Variants in ZNF462 observed in about 807,000 individuals in gnomAD.
ZNF462 encodes zinc finger PBX1-interacting protein.
A neutral mutation model predicts 201.9 loss-of-function variants in ZNF462; 10 were observed. The ratio of observed to expected loss-of-function variants is 0.05; its 90% CI spans 0.03 to 0.08. The LOEUF (loss-of-function observed/expected upper bound fraction) is 0.08. Among genes scored for constraint, ZNF462 ranks in the 10% least tolerant of loss-of-function variants. The pLI is 1.00. For synonymous variants in ZNF462, 1,227 were observed against 1,193.3 expected (o/e 1.03, Z -0.58); for missense variants, 2,523 against 3,168.3 (o/e 0.80, Z 4.89).
chr9:106,891,023 A>T (rs1158107127), intron 1 of ZNF462, among the ~76,000 whole-genome samples: 1 of 152,224 alleles, frequency 6.6e-6, no homozygotes, highest in Admixed American at 6.5e-5. Context: ...GGAGATTTTT[A>T]GCTAATTTAG....
intron 1 of ZNF462, among the ~76,000 whole-genome samples, chr9:106,882,762 C>T (rs1251946518): frequency 1.3e-5 from 2 of 152,072 alleles, no homozygotes; most frequent in Non-Finnish European, 1.5e-5. Flanking sequence ...AACTCATTTG[C>T]GGTTTTATGT....
intron 10 of ZNF462, chr9:106,995,559 T>C (rs568980274): frequency 6.6e-6 from 1 of 152,314 alleles, no homozygotes; most frequent in Non-Finnish European, 1.5e-5. Context: ...AGCTGTGTCA[T>C]GTGGAGATCT....
At chr9:106,994,988 A>G (rs1319147193) in intron 10 of ZNF462, among the ~76,000 whole-genome samples, 2 of 152,184 alleles carry the variant, frequency 1.3e-5, no homozygotes, top group African/African-American at 2.4e-5. Flanking sequence ...AATAAATGAA[A>G]TCAACTTTTC....
Position 106,871,162 on chromosome 9 carries a change from C to G in ZNF462, c.-31+7807C>G, listed in dbSNP as rs79208028. Among the ~76,000 whole-genome samples the G allele has an allele frequency of 2.8e-3, 430 of 152,288 alleles. 1 individual carries two copies. Among genetic ancestry groups the G allele is most frequent in the African/African-American group, 0.01 (420 of 41,552 alleles). ...GCTGCACAAAGGTTCCAATACTTAC[C>G]TGCAGATTAAGAAATGAGTTTCTAA... On this transcript the variant is annotated intron_variant, in intron 1 of 12. Coordinates refer to ENST00000277225, the MANE Select transcript of ZNF462 (RefSeq NM_021224.6).
At chr9:106,995,884 T>G (rs1370368282) in intron 10 of ZNF462, among the ~76,000 whole-genome samples, 1 of 152,186 alleles carries the variant, frequency 6.6e-6, no homozygotes, top group East Asian at 1.9e-4. Flanking sequence ...GTCACATAGG[T>G]ATGCATGTGC....
chr9:106,909,695 T>A (rs1588038368), intron 1 of ZNF462, among the ~76,000 whole-genome samples: 1 of 152,210 alleles, frequency 6.6e-6, no homozygotes, highest in Admixed American at 6.5e-5. Flanking sequence ...TTTTCTGTCA[T>A]CAAATGTTAC....
At chr9:106,893,190 C>G (rs180828558) in intron 1 of ZNF462, among the ~76,000 whole-genome samples, 2 of 152,264 alleles carry the variant, frequency 1.3e-5, no homozygotes, top group Non-Finnish European at 2.9e-5. Flanking sequence ...TCTCTGAGAC[C>G]CACAGAGGTC....
Position 106,970,402 on chromosome 9 carries a change from A to C in ZNF462, c.6428-1603A>C, listed in dbSNP as rs1224994402. Among the ~76,000 whole-genome samples the C allele has an allele frequency of 1.3e-5, 2 of 152,194 alleles. No individual in the cohort carries two copies. Among genetic ancestry groups the C allele is most frequent in the African/African-American group, 2.4e-5 (1 of 41,448 alleles). The stretch of plus-strand genomic sequence containing the variant: ...TTTTGCAGACAGGCGGTGGCCCAGC[A>C]ATCAGGGAGGCTGCTCTGCTTTTGT... On this transcript the variant is annotated intron_variant, in intron 7 of 12. Coordinates refer to ENST00000277225, the MANE Select transcript of ZNF462 (RefSeq NM_021224.6). This position sits in a 1 kb window ranked among gnomAD's most constrained non-coding sequence, Gnocchi z 4.2.
At position 106,974,344 on chromosome 9, in the gene ZNF462, T is replaced by A. The variant is rs764035737; in HGVS notation, c.6832+71T>A. 1.2e-6 allele frequency: 2 copies of A among 1,604,108 alleles called. No individual in the cohort carries two copies. The highest frequency in any genetic ancestry group is 3.3e-5 in the Admixed American group (2 of 59,994). On this transcript the variant is annotated intron_variant, in intron 9 of 12. Transcript: ENST00000277225. This position sits in a 1 kb window ranked among gnomAD's most constrained non-coding sequence, Gnocchi z 4.0. ...AGCAGAGATGGCCTTCTAGGGATGCTCTCTCAGAGTGGCAGTAGCACCTGT... is the reference window on the plus strand; with the variant it reads ...AGCAGAGATGGCCTTCTAGGGATGCACTCTCAGAGTGGCAGTAGCACCTGT...
chr9:106,927,669 T>C lies in ZNF462; in HGVS notation c.3757T>C (p.Ser1253Pro). ...TGCCAGCTGCGTGCTTGTCTCCCCC[T>C]CTAATCTGGAGCGGGACAAAACGAA... Reference protein sequence around the residue: ...KPASCVLVSPSNLERDKTKLR... With the variant: ...KPASCVLVSPPNLERDKTKLR... Residue 1253 changes from serine to proline, a missense_variant, in exon 3 of 13, where the codon TCT (serine) becomes CCT (proline). By Grantham distance (74) the Ser-to-Pro change is moderately conservative (BLOSUM62 -1). Transcript: ENST00000277225. 1 of 1,613,856 alleles carries C rather than the reference T, an allele frequency of 6.2e-7. No individual in the cohort carries two copies. Among genetic ancestry groups the C allele is most frequent in the South Asian group, 1.1e-5 (1 of 91,066 alleles).
chr9:106,924,820 T>G lies in ZNF462; in HGVS notation c.908T>G (p.Leu303Arg). 1 of 1,614,176 alleles carries G rather than the reference T, an allele frequency of 6.2e-7. No homozygotes were observed. The highest frequency in any genetic ancestry group is 8.5e-7 in the Non-Finnish European group (1 of 1,180,036). The stretch of plus-strand genomic sequence containing the variant: ...AGCCCCACTTCCAACTCCACCTATC[T>G]GACCATGAATGCTGCAAGCCGGGAG... ...APSPTSNSTY[L>R]TMNAASREIP... Residue 303 changes from leucine (L) to arginine (R), a missense_variant, in exon 3 of 13, where the codon CTG becomes CGG. Physicochemically the swap from Leu to Arg is moderately radical, Grantham distance 102 (BLOSUM62 -2). Transcript: ENST00000277225. The surrounding 1 kb of genome is among the most constrained non-coding windows in gnomAD (Gnocchi z 6.2).
rs79256371 is a variant in ZNF462 at position 106,865,897 on chromosome 9, A to G, written c.-31+2542A>G. 0.043 allele frequency among the ~76,000 whole-genome samples: 6,579 copies of G among 152,310 alleles called. 183 individuals are homozygous for G. Among genetic ancestry groups the G allele is most frequent in the Non-Finnish European group, 0.066 (4,517 of 68,010 alleles). ...CACATATTAGTTTTAGAGAATGTAC[A>G]TAATTGACCCAAGCAAAGAACTAAA... On this transcript the variant is annotated intron_variant, in intron 1 of 12. Transcript: ENST00000277225. This position sits in a 1 kb window ranked among gnomAD's most constrained non-coding sequence, Gnocchi z 4.1.
At chr9:106,879,332 A>ACACCCC (rs1564072595) in intron 1 of ZNF462, among the ~76,000 whole-genome samples, 1 of 70,632 alleles carries the variant, frequency 1.4e-5, no homozygotes, top group African/African-American at 5.6e-5. Flanking sequence ...GATGCTTTCC[A>ACACCCC]CCCCCCCCCC....
At chr9:106,896,060 A>G (rs1362981985) in intron 1 of ZNF462, among the ~76,000 whole-genome samples, 2 of 152,102 alleles carry the variant, frequency 1.3e-5, no homozygotes, top group African/African-American at 4.8e-5. Context: ...CTTTACTTGG[A>G]AACTGTACCA....
chr9:106,925,143 C>T lies in ZNF462; in HGVS notation c.1231C>T (p.Leu411=). The part of the protein sequence containing the change: ...LSAMDHQTSG[L]SAEQLMGSDG... Reference sequence around the variant, plus strand: ...TGCTATGGATCACCAGACATCAGGCCTGTCTGCAGAGCAGCTGATGGGCTC... The same window carrying T: ...TGCTATGGATCACCAGACATCAGGCTTGTCTGCAGAGCAGCTGATGGGCTC... The change falls in exon 3 of 13, where the codon CTG becomes TTG. Residue 411 remains leucine (L), a synonymous_variant. Coordinates refer to ENST00000277225, the MANE Select transcript of ZNF462 (RefSeq NM_021224.6). This position sits in a 1 kb window ranked among gnomAD's most constrained non-coding sequence, Gnocchi z 7.9. The T allele has an allele frequency of 7.4e-6, 12 of 1,614,168 alleles. No individual in the cohort carries two copies. The highest frequency in any genetic ancestry group is 9.3e-6 in the Non-Finnish European group (11 of 1,180,040).
At position 107,003,969 on chromosome 9, in the gene ZNF462, T is replaced by TC. The variant is rs1829375664; in HGVS notation, c.7189+544dup. Among the ~76,000 whole-genome samples, 1 of 152,172 alleles carries TC rather than the reference T, an allele frequency of 6.6e-6. No homozygotes were observed. Among genetic ancestry groups the TC allele is most frequent in the Admixed American group, 6.5e-5 (1 of 15,276 alleles). On this transcript the variant is annotated intron_variant, in intron 11 of 12. Transcript: ENST00000277225. The surrounding 1 kb of genome is among the most constrained non-coding windows in gnomAD (Gnocchi z 4.4). The stretch of plus-strand genomic sequence containing the variant: ...GAGAAAGAGAGACCACCTCTTTCAT[T>TC]CAACTATGTATTTACAGAATACACT...
chr9:106,894,368 A>G (rs1381351921), intron 1 of ZNF462, among the ~76,000 whole-genome samples: 1 of 152,242 alleles, frequency 6.6e-6, no homozygotes, highest in Non-Finnish European at 1.5e-5. Flanking sequence ...TTGTATCTCT[A>G]TTACAGAGAG....
chr9:106,938,233 A>G lies in ZNF462; in HGVS notation c.6236-683A>G, dbSNP rs1273017916. On this transcript the variant is annotated intron_variant, in intron 6 of 12. Coordinates refer to ENST00000277225, the MANE Select transcript of ZNF462 (RefSeq NM_021224.6). The surrounding 1 kb of genome is among the most constrained non-coding windows in gnomAD (Gnocchi z 4.4). ...CTTTATTGAAGAATATTGGAGATAA[A>G]CACACACACTGTACCCCCTAAACCC... Among the ~76,000 whole-genome samples the G allele has an allele frequency of 6.6e-6, 1 of 152,180 alleles. No homozygotes were observed. Among genetic ancestry groups the G allele is most frequent in the African/African-American group, 2.4e-5 (1 of 41,440 alleles).
rs1450555252 is a variant in ZNF462 at position 106,925,312 on chromosome 9, C to T, written c.1400C>T (p.Thr467Ile). 1.2e-6 allele frequency: 2 copies of T among 1,614,214 alleles called. No homozygotes were observed. Among genetic ancestry groups the T allele is most frequent in the East Asian group, 4.5e-5 (2 of 44,886 alleles). ...HIENIHLSGK[T>I]AVYKCDECPF... ...GAAAACATCCACTTATCTGGAAAGA[C>T]AGCTGTCTACAAATGTGACGAATGT... The change falls in exon 3 of 13, where the codon ACA (threonine) becomes ATA (isoleucine). Residue 467 changes from threonine (T) to isoleucine (I), a missense_variant. Physicochemically the swap from Thr to Ile is moderately conservative, Grantham distance 89. Coordinates refer to ENST00000277225, the MANE Select transcript of ZNF462 (RefSeq NM_021224.6). This position sits in a 1 kb window ranked among gnomAD's most constrained non-coding sequence, Gnocchi z 7.9.
Sources: gnomAD v4.1 joint callset for allele counts (sites outside exome capture counted in the v4.1 genomes callset) on GRCh38, gnomAD v4.1.1 for gene constraint, Gnocchi (gnomAD v3.1) non-coding constraint, MANE v1.5 for transcripts, NCBI Gene and HGNC (gene_info 2026-07-23, HGNC 2026-07-21) for gene names.